JAK1: variants seen among roughly 807,000 people sequenced by gnomAD.
JAK1 encodes tyrosine-protein kinase JAK1.
JAK1 carries 16 observed loss-of-function variants against 136.6 expected under a neutral mutation model. The ratio of observed to expected loss-of-function variants is 0.12; its 90% confidence interval spans 0.08 to 0.18. JAK1 has a LOEUF of 0.18. Among genes scored for constraint, JAK1 ranks in the 10% least tolerant of loss-of-function variants. JAK1 has a pLI of 1.00. For synonymous variants in JAK1, 492 were observed against 519.5 expected (o/e 0.95, Z 0.72); for missense variants, 859 against 1,450.1 (o/e 0.59, Z 6.62).
At chr1:64,961,683 C>T (rs1422662179) in intron 1 of JAK1, among the ~76,000 whole-genome samples, 1 of 152,082 alleles carries the variant, frequency 6.6e-6, no homozygotes, top group African/African-American at 2.4e-5. Context: ...CACACTGTAT[C>T]TCTGCCTAGA....
intron 2 of JAK1, among the ~76,000 whole-genome samples, chr1:65,040,268 G>T (rs932943500): frequency 1.3e-5 from 2 of 151,858 alleles, no homozygotes; most frequent in Admixed American, 1.3e-4. Flanking sequence ...TAACATCAAG[G>T]TGCTAGCACA....
intron 1 of JAK1, among the ~76,000 whole-genome samples, chr1:64,955,375 G>A (rs4916014): frequency 0.53 from 80,979 of 151,996 alleles, 25,541 homozygotes; most frequent in Non-Finnish European, 0.72. Flanking sequence ...AGAGACCAGG[G>A]ACATTTGAAG....
intron 2 of JAK1, among the ~76,000 whole-genome samples, chr1:64,988,452 A>G (rs1569829811): frequency 6.6e-6 from 1 of 152,296 alleles, no homozygotes; most frequent in Non-Finnish European, 1.5e-5. Context: ...GCAAAATGGC[A>G]GAGTAGGCAG....
chr1:64,933,928 G>A (rs544199499), intron 1 of JAK1, among the ~76,000 whole-genome samples: 20 of 152,170 alleles, frequency 1.3e-4, no homozygotes, highest in East Asian at 1.9e-4. Context: ...CAGGCACTAC[G>A]GAATATACTA....
rs1654311830 is a variant in JAK1, at chr1:64,834,038, A to G, written c.*524T>C. ...ACAGTCATTTTTGTACAGAAACAAT[A>G]TATACTACCTGGTATCTAATATTTT... On this transcript the variant is annotated 3_prime_UTR_variant, in exon 25 of 25. Coordinates refer to ENST00000342505, the MANE Select transcript of JAK1 (RefSeq NM_002227.4). 1 of 232,932 alleles carries G rather than the reference A, an allele frequency of 4.3e-6. No individual in the cohort carries two copies. The highest frequency in any genetic ancestry group is 8.5e-6 in the Non-Finnish European group (1 of 117,872). 14.4% of individuals were successfully genotyped at this position (232,932 alleles called of 1,614,324 possible).
intron 1 of JAK1, among the ~76,000 whole-genome samples, chr1:64,949,338 G>A (rs1235777711): frequency 1.3e-5 from 2 of 152,146 alleles, no homozygotes; most frequent in Admixed American, 1.3e-4. Flanking sequence ...CCTGACTGAT[G>A]TAAAAGTCAA....
intron 1 of JAK1, among the ~76,000 whole-genome samples, chr1:64,917,867 A>G (rs1320278839): frequency 1.3e-5 from 2 of 152,104 alleles, no homozygotes; most frequent in Admixed American, 6.5e-5. Flanking sequence ...CCTGTTTCCC[A>G]CAACTCATTC....
Position 64,844,690 on chromosome 1 carries a change from C to A in JAK1, c.2251+64G>T. On this transcript the variant is annotated intron_variant, in intron 16 of 24. Transcript: ENST00000342505. This position sits in a 1 kb window ranked among gnomAD's most constrained non-coding sequence, Gnocchi z 5.7. ...AAAAGGAGACCAACCCCAGCCCAGC[C>A]CTTCTCTCTGCTGACTTGCCCCTGA... 1 of 1,600,348 alleles carries A rather than the reference C, an allele frequency of 6.2e-7. No homozygotes were observed.
At chr1:64,845,481 T>C (rs1286438831) in intron 15 of JAK1, 32 bp downstream of exon 15, 1 of 1,613,662 alleles carries the variant, frequency 6.2e-7, no homozygotes, top group Non-Finnish European at 8.5e-7. Flanking sequence ...TGGTTTCTGG[T>C]GGGACCATTA....
Position 64,977,986 on chromosome 1 carries a change from T to TA in JAK1, c.-78+66493dup, listed in dbSNP as rs910452642. ...GATGGTAGTTAATGTCAGTAGTTAT[T>TA]AAAATATACTTGGCTGGACGTGGTG... On this transcript the variant is annotated intron_variant, in intron 2 of 25. Transcript: ENST00000671954. 7.0e-4 allele frequency among the ~76,000 whole-genome samples: 106 copies of TA among 152,284 alleles called. 1 individual carries two copies. The highest frequency in any genetic ancestry group is 2.4e-3 in the African/African-American group (98 of 41,566).
chr1:65,057,293 G>C (rs895717006), intron 1 of JAK1, among the ~76,000 whole-genome samples: 1 of 152,194 alleles, frequency 6.6e-6, no homozygotes, highest in African/African-American at 2.4e-5. Flanking sequence ...ACAGGGAAGA[G>C]GGATAATTGG....
rs375041718 is a variant in JAK1 at position 65,032,018 on chromosome 1, T to C, written c.-78+12462A>G. ...TCTTGCTTTGCTGCCCAGACTTGAG[T>C]GCAGTGGCGCGATCTCAGCTCACTG... On this transcript the variant is annotated intron_variant, in intron 2 of 25. Coordinates refer to the JAK1 transcript ENST00000671954. Among the ~76,000 whole-genome samples, 4 of 150,860 alleles carry C rather than the reference T, an allele frequency of 2.7e-5. No individual in the cohort carries two copies. In the East Asian group the frequency reaches 5.9e-4, roughly 22 times the overall value.
At chr1:64,847,442 A>G (rs1655308148) in intron 13 of JAK1, 90 bp downstream of exon 13, 3 of 1,498,214 alleles carry the variant, frequency 2.0e-6, no homozygotes, top group Non-Finnish European at 2.7e-6. Context: ...CTGGGCCACA[A>G]GAAGGGCAAG....
chr1:64,962,561 A>T (rs141340822), intron 1 of JAK1, among the ~76,000 whole-genome samples: 217 of 152,258 alleles, frequency 1.4e-3, no homozygotes, highest in Non-Finnish European at 2.7e-3. Flanking sequence ...AGGCTGGTGC[A>T]CCTCAGAGGA....
At chr1:65,052,468 G>C (rs899348283) in intron 1 of JAK1, among the ~76,000 whole-genome samples, 1 of 151,658 alleles carries the variant, frequency 6.6e-6, no homozygotes, top group African/African-American at 2.4e-5. Flanking sequence ...ACCTGAGGTC[G>C]GCAGTTCAAG....
intron 1 of JAK1, among the ~76,000 whole-genome samples, chr1:64,893,759 G>A (rs1644973504): frequency 6.6e-6 from 1 of 152,126 alleles, no homozygotes; most frequent in Non-Finnish European, 1.5e-5. Flanking sequence ...ATTTTGTACT[G>A]CACCTAACAT....
At chr1:64,888,638 GGA>G (rs1275546973) in intron 1 of JAK1, among the ~76,000 whole-genome samples, 2 of 152,028 alleles carry the variant, frequency 1.3e-5, no homozygotes, top group Non-Finnish European at 2.9e-5. Context: ...GTAATCAAGG[GGA>G]GTTTGGTTTT....
chr1:64,838,139 A>G (rs2100945700), intron 21 of JAK1, 35 bp from the exon 22 acceptor site: 5 of 1,581,904 alleles, frequency 3.2e-6, no homozygotes, highest in African/African-American at 1.3e-5. Flanking sequence ...GCACATTGCT[A>G]AAGTCACTTT....
intron 1 of JAK1, among the ~76,000 whole-genome samples, chr1:64,940,461 T>C (rs542066176): frequency 1.3e-5 from 2 of 151,952 alleles, no homozygotes; most frequent in African/African-American, 4.8e-5. Context: ...GGATTACAGG[T>C]GTGTGCCACC....
Sources: gnomAD v4.1 joint callset for allele counts (sites outside exome capture counted in the v4.1 genomes callset) on GRCh38, gnomAD v4.1.1 for gene constraint, Gnocchi (gnomAD v3.1) non-coding constraint, MANE v1.5 for transcripts, NCBI Gene and HGNC (gene_info 2026-07-23, HGNC 2026-07-21) for gene names.